The following PEX3 variants were observed in gnomAD, a reference collection of about 807,000 sequenced individuals.
The protein encoded by PEX3 is peroxin-3.
PEX3 carries 30 observed loss-of-function variants against 55.8 expected under a neutral mutation model. That is an observed-to-expected ratio of 0.54 (90% CI 0.40 to 0.73). The LOEUF (loss-of-function observed/expected upper bound fraction) is 0.73, where lower values mean the gene tolerates loss of function less well. Ranked by LOEUF, PEX3 falls within the 30% of genes least tolerant of loss-of-function variation. The probability of loss-of-function intolerance (pLI) is 0.00; values close to 1 mark genes in which losing one functional copy is unlikely to be tolerated. For synonymous variants in PEX3, 135 were observed against 148.4 expected (o/e 0.91, Z 0.66); for missense variants, 351 against 432.8 (o/e 0.81, Z 1.68).
chr6:143,457,210 A>C (rs1161261382), intron 1 of PEX3, among the ~76,000 whole-genome samples: 2 of 152,252 alleles, frequency 1.3e-5, no homozygotes, highest in South Asian at 4.1e-4. Flanking sequence ...CAGATCTATT[A>C]TGTCAGAATT....
At chr6:143,484,910 G>A (rs1780292796) in intron 10 of PEX3, 2 of 474,628 alleles carry the variant, frequency 4.2e-6, no homozygotes, top group South Asian at 2.2e-5. Context: ...GTGTGCTTAG[G>A]AGGTTAGAGG....
At chr6:143,472,463 C>T in intron 8 of PEX3, 135 bp downstream of exon 8, 1 of 679,260 alleles carries the variant, frequency 1.5e-6, no homozygotes, top group South Asian at 1.7e-5. Context: ...TGAAGTAAAA[C>T]CCATTAATTT....
intron 1 of PEX3, among the ~76,000 whole-genome samples, chr6:143,457,528 AT>A (rs1779863534): frequency 1.3e-5 from 2 of 152,180 alleles, no homozygotes; most frequent in Non-Finnish European, 2.9e-5. Context: ...CAGGATATGT[AT>A]TTGTTTTGCA....
chr6:143,489,381 G>A lies in PEX3; in HGVS notation c.*155G>A, dbSNP rs535705746. 1 of 591,838 alleles carries A rather than the reference G, an allele frequency of 1.7e-6. No homozygotes were observed. Among genetic ancestry groups the A allele is most frequent in the South Asian group, 1.9e-5 (1 of 51,620 alleles). 36.7% of individuals were successfully genotyped at this position (591,838 alleles called of 1,614,324 possible). ...ATTTCATAATGAAATCAATTTATTTGGCATCTTAATATATTTTTTTAGATT... is the reference window on the plus strand; with the variant it reads ...ATTTCATAATGAAATCAATTTATTTAGCATCTTAATATATTTTTTTAGATT... On this transcript the variant is annotated 3_prime_UTR_variant, in exon 12 of 12. Transcript: ENST00000367591. The surrounding 1 kb of genome is among the most constrained non-coding windows in gnomAD (Gnocchi z 5.5).
Position 143,488,980 on chromosome 6 carries a change from C to T in PEX3, c.1039-163C>T, listed in dbSNP as rs753273110. Reference sequence around the variant, plus strand: ...ATATAAGAACCTAAATAATAACTATCTCCTAGAATTTATTACAAGAAAAAC... The same window carrying T: ...ATATAAGAACCTAAATAATAACTATTTCCTAGAATTTATTACAAGAAAAAC... On this transcript the variant is annotated intron_variant, in intron 11 of 11. Transcript: ENST00000367591. The surrounding 1 kb of genome is among the most constrained non-coding windows in gnomAD (Gnocchi z 4.9). Among the ~76,000 whole-genome samples the T allele has an allele frequency of 3.9e-5, 6 of 152,244 alleles. No homozygotes were observed. Among genetic ancestry groups the T allele is most frequent in the Non-Finnish European group, 5.9e-5 (4 of 67,978 alleles).
rs1318811591 is a variant in PEX3, at chr6:143,462,656, ATTG to A, written c.206-257_206-255del. The stretch of plus-strand genomic sequence containing the variant: ...TTAAAATCTGAGAATAATTCTTTCT[ATTG>A]TTTCTTCTGTGTGTACTTGTGTTGC... On this transcript the variant is annotated intron_variant, in intron 2 of 11. Transcript: ENST00000367591. This position sits in a 1 kb window ranked among gnomAD's most constrained non-coding sequence, Gnocchi z 4.1. Among the ~76,000 whole-genome samples, 1 of 152,122 alleles carries A rather than the reference ATTG, an allele frequency of 6.6e-6. No individual in the cohort carries two copies. Among genetic ancestry groups the A allele is most frequent in the African/African-American group, 2.4e-5 (1 of 41,428 alleles).
chr6:143,469,995 G>A (rs1482460568), intron 4 of PEX3, among the ~76,000 whole-genome samples: 1 of 151,972 alleles, frequency 6.6e-6, no homozygotes, highest in East Asian at 1.9e-4. Flanking sequence ...CTGTTGCCAG[G>A]GTAGAGTGCA....
At position 143,476,153 on chromosome 6, in the gene PEX3, A is replaced by G. The variant is rs1780151204; in HGVS notation, c.818+1297A>G. Among the ~76,000 whole-genome samples the G allele has an allele frequency of 1.3e-5, 2 of 152,244 alleles. No individual in the cohort carries two copies. The highest frequency in any genetic ancestry group is 1.3e-4 in the Admixed American group (2 of 15,290). On this transcript the variant is annotated intron_variant, in intron 9 of 11. Transcript: ENST00000367591. The surrounding 1 kb of genome is among the most constrained non-coding windows in gnomAD (Gnocchi z 5.4). ...ATGTCATTTGAGCAGAGACCTGAAT[A>G]TACTGTGGAAGTGAACCTTGTAACC...
In PEX3 at chr6:143,458,226, G is replaced by A. The variant is rs1012117450; in HGVS notation, c.74-859G>A. ...CTGCCCCTCAGATATAGACTAAAATGTACACATATATATCATACTGCCTAT... is the reference window on the plus strand; with the variant it reads ...CTGCCCCTCAGATATAGACTAAAATATACACATATATATCATACTGCCTAT... On this transcript the variant is annotated intron_variant, in intron 1 of 11. Coordinates refer to ENST00000367591, the MANE Select transcript of PEX3 (RefSeq NM_003630.3). The surrounding 1 kb of genome is among the most constrained non-coding windows in gnomAD (Gnocchi z 6.1). Among the ~76,000 whole-genome samples the A allele has an allele frequency of 3.9e-5, 6 of 152,100 alleles. No individual in the cohort carries two copies. Among genetic ancestry groups the A allele is most frequent in the Non-Finnish European group, 7.4e-5 (5 of 68,010 alleles).
chr6:143,466,640 C>G lies in PEX3; in HGVS notation c.288-1482C>G. ...CAGGCATCTACCGAGGGTCTTCAAA[C>G]GTATCCCCCAAGGATAAGAAGGGAC... On this transcript the variant is annotated intron_variant, in intron 3 of 11. Transcript: ENST00000367591. The surrounding 1 kb of genome is among the most constrained non-coding windows in gnomAD (Gnocchi z 5.4). Among the ~76,000 whole-genome samples, 1 of 152,026 alleles carries G rather than the reference C, an allele frequency of 6.6e-6. No homozygotes were observed. Among genetic ancestry groups the G allele is most frequent in the East Asian group, 1.9e-4 (1 of 5,180 alleles).
chr6:143,471,650 CTAA>C lies in PEX3; in HGVS notation c.578+41_578+43del. 1 of 1,406,512 alleles carries C rather than the reference CTAA, an allele frequency of 7.1e-7. No homozygotes were observed. The highest frequency in any genetic ancestry group is 1.0e-6 in the Non-Finnish European group (1 of 991,816). The allele number at this position is 1,406,512 out of a possible 1,614,324, so 87.1% of individuals were successfully genotyped here. A position where few individuals can be genotyped will look rare whatever the true frequency, so the allele number is the denominator to read the frequency against. On this transcript the variant is annotated intron_variant, in intron 7 of 11. Coordinates refer to ENST00000367591, the MANE Select transcript of PEX3 (RefSeq NM_003630.3). This position sits in a 1 kb window ranked among gnomAD's most constrained non-coding sequence, Gnocchi z 5.4. ...CTTTGACTTTTCTGACTTCTTGATT[CTAA>C]TGAGTGAAAGAAAATTAGAATTGTT...
At position 143,475,181 on chromosome 6, in the gene PEX3, C is replaced by G. The variant is rs536058270; in HGVS notation, c.818+325C>G. Among the ~76,000 whole-genome samples the G allele has an allele frequency of 4.6e-5, 7 of 152,284 alleles. No homozygotes were observed. The highest frequency in any genetic ancestry group is 1.7e-4 in the African/African-American group (7 of 41,562). On this transcript the variant is annotated intron_variant, in intron 9 of 11. Coordinates refer to ENST00000367591, the MANE Select transcript of PEX3 (RefSeq NM_003630.3). This position sits in a 1 kb window ranked among gnomAD's most constrained non-coding sequence, Gnocchi z 4.4. ...AGCTCTGGAGAAGGTCATCAGTGAT[C>G]TTTTGCCATATCCAATGAACCTGTA...
intron 10 of PEX3, among the ~76,000 whole-genome samples, chr6:143,484,554 A>G (rs1430912389): frequency 1.3e-5 from 2 of 152,116 alleles, no homozygotes; most frequent in Non-Finnish European, 2.9e-5. Flanking sequence ...GAAATACTCA[A>G]CATTGTTAGT....
chr6:143,462,984 C>G lies in PEX3; in HGVS notation c.274C>G (p.Leu92Val). 6.2e-7 allele frequency: 1 copy of G among 1,613,130 alleles called. No individual in the cohort carries two copies. The highest frequency in any genetic ancestry group is 8.5e-7 in the Non-Finnish European group (1 of 1,179,162). The stretch of plus-strand genomic sequence containing the variant: ...ACTGAATTCCGAGAGCCTCACAGCT[C>G]TGCTAAAAAACAGGTAAATGCAAGT... ...QQLNSESLTA[L>V]LKNRPSNKLE... Residue 92 changes from leucine (L) to valine (V), a missense_variant, in exon 3 of 12, where the codon CTG becomes GTG. Leu to Val is a conservative substitution (Grantham distance 32). Transcript: ENST00000367591. This position sits in a 1 kb window ranked among gnomAD's most constrained non-coding sequence, Gnocchi z 4.1.
chr6:143,484,211 G>T (rs953254727), intron 10 of PEX3, among the ~76,000 whole-genome samples: 2 of 152,100 alleles, frequency 1.3e-5, no homozygotes, highest in African/African-American at 4.8e-5. Context: ...CATACATACA[G>T]TGATACATAC....
rs1562660716 is a variant in PEX3 at position 143,490,529 on chromosome 6, C to T, written c.*1303C>T. ...CTGAGCAGAAGATGGCTGTGCCACTCACATATGCTAATCTTGGCAAATCTG... is the reference window on the plus strand; with the variant it reads ...CTGAGCAGAAGATGGCTGTGCCACTTACATATGCTAATCTTGGCAAATCTG... On this transcript the variant is annotated 3_prime_UTR_variant, in exon 12 of 12. Transcript: ENST00000367591. This position sits in a 1 kb window ranked among gnomAD's most constrained non-coding sequence, Gnocchi z 6.0. 1 of 372,944 alleles carries T rather than the reference C, an allele frequency of 2.7e-6. No individual in the cohort carries two copies. Among genetic ancestry groups the T allele is most frequent in the Non-Finnish European group, 4.9e-6 (1 of 202,516 alleles). The allele number at this position is 372,944 out of a possible 1,614,324, so 23.1% of individuals were successfully genotyped here.
In PEX3 at chr6:143,475,418, G is replaced by A. The variant is rs894892235; in HGVS notation, c.818+562G>A. The stretch of plus-strand genomic sequence containing the variant: ...TGTAATCCCAGCACTTTGAGTGGCC[G>A]AGGCAGGTAGATTGCTTGAGCCTAG... On this transcript the variant is annotated intron_variant, in intron 9 of 11. Transcript: ENST00000367591. The surrounding 1 kb of genome is among the most constrained non-coding windows in gnomAD (Gnocchi z 4.4). Among the ~76,000 whole-genome samples, 3 of 152,044 alleles carry A rather than the reference G, an allele frequency of 2.0e-5. No individual in the cohort carries two copies. The highest frequency in any genetic ancestry group is 2.0e-4 in the Admixed American group (3 of 15,260).
At chr6:143,460,042 C>T (rs146979609) in intron 2 of PEX3, among the ~76,000 whole-genome samples, 11 of 152,288 alleles carry the variant, frequency 7.2e-5, no homozygotes, top group African/African-American at 2.6e-4. Context: ...CATGCAAAGC[C>T]TGTTTTTCTT....
In PEX3 at chr6:143,454,833, A is replaced by G. The variant is rs1779820471; in HGVS notation, c.73+3718A>G. Reference sequence around the variant, plus strand: ...GGTTCAGCAACATTGCTTTTTATGAATGAAACTGTATTTCACTATGGCTAT... The same window carrying G: ...GGTTCAGCAACATTGCTTTTTATGAGTGAAACTGTATTTCACTATGGCTAT... On this transcript the variant is annotated intron_variant, in intron 1 of 11. Coordinates refer to ENST00000367591, the MANE Select transcript of PEX3 (RefSeq NM_003630.3). The surrounding 1 kb of genome is among the most constrained non-coding windows in gnomAD (Gnocchi z 4.3). Among the ~76,000 whole-genome samples the G allele has an allele frequency of 6.6e-6, 1 of 152,230 alleles. No homozygotes were observed. The highest frequency in any genetic ancestry group is 6.5e-5 in the Admixed American group (1 of 15,280).
Sources: allele counts gnomAD v4.1 joint callset (sites outside exome capture counted in the v4.1 genomes callset), GRCh38; gene constraint gnomAD v4.1.1; non-coding constraint Gnocchi (gnomAD v3.1); transcripts MANE v1.5; gene names NCBI Gene and HGNC (gene_info 2026-07-23, HGNC 2026-07-21).